The following UBR3 variants were observed in gnomAD, a reference collection of about 807,000 sequenced individuals.
UBR3 encodes ubiquitin protein ligase E3 component n-recognin 3.
In UBR3, 85 loss-of-function variants were observed where a neutral mutation model predicts 243.2. That is an observed-to-expected ratio of 0.35 (90% CI 0.29 to 0.42). The LOEUF is 0.42. Among genes scored for constraint, UBR3 ranks in the 10% least tolerant of loss-of-function variants. The pLI, the probability that UBR3 is intolerant of heterozygous loss-of-function variation, is 1.00. For synonymous variants in UBR3, 748 were observed against 799.8 expected (o/e 0.94, Z 1.09); for missense variants, 1,686 against 2,300.8 (o/e 0.73, Z 5.47).
At chr2:169,864,943 G>C (rs1286968629) in intron 1 of UBR3, among the ~76,000 whole-genome samples, 2 of 150,860 alleles carry the variant, frequency 1.3e-5, no homozygotes, top group Non-Finnish European at 3.0e-5. Context: ...AGAATTAGCT[G>C]GGTGTCATGG....
chr2:169,896,342 CA>C (rs1257663876), intron 7 of UBR3, among the ~76,000 whole-genome samples, 164 bp from the exon 8 acceptor site: 1 of 151,224 alleles, frequency 6.6e-6, no homozygotes, highest in East Asian at 1.9e-4. Context: ...GCAAATGTTC[CA>C]AAAAAGTGAA....
intron 35 of UBR3, among the ~76,000 whole-genome samples, chr2:170,071,148 A>G (rs758594403): frequency 4.6e-5 from 7 of 152,188 alleles, no homozygotes; most frequent in Non-Finnish European, 1.0e-4. Context: ...GGTATAGTCA[A>G]TTTGGAAAAA....
intron 32 of UBR3, among the ~76,000 whole-genome samples, chr2:170,053,299 G>T (rs927614541): frequency 6.6e-6 from 1 of 152,216 alleles, no homozygotes; most frequent in South Asian, 2.1e-4. Flanking sequence ...ATTTTGGTAT[G>T]TACTAGGAAG....
chr2:169,827,494 T>C lies in UBR3; in HGVS notation c.-14T>C, dbSNP rs1480849738. On this transcript the variant is annotated 5_prime_UTR_variant, in exon 1 of 39. Transcript: ENST00000272793. ...GCCGCTGGCCCTGGACTCTCCAAATTCTGAGCTCTCATCATGGCGGCGGCG... is the reference window on the plus strand; with the variant it reads ...GCCGCTGGCCCTGGACTCTCCAAATCCTGAGCTCTCATCATGGCGGCGGCG... 1.2e-5 allele frequency: 15 copies of C among 1,227,230 alleles called. No individual in the cohort carries two copies. The highest frequency in any genetic ancestry group is 1.5e-5 in the Non-Finnish European group (15 of 985,750). The allele number at this position is 1,227,230 out of a possible 1,614,324, so 76.0% of individuals were successfully genotyped here.
chr2:170,070,246 G>A (rs1005572257), intron 35 of UBR3, among the ~76,000 whole-genome samples: 1 of 152,100 alleles, frequency 6.6e-6, no homozygotes, highest in African/African-American at 2.4e-5. Context: ...AAATGGGGGG[G>A]AAACCATATG....
chr2:169,906,195 T>A, intron 10 of UBR3, 31 bp downstream of exon 10: 1 of 1,519,218 alleles, frequency 6.6e-7, no homozygotes, highest in Non-Finnish European at 8.8e-7. Context: ...TTAATTTCTG[T>A]GTTTAAGAAA....
chr2:169,861,410 C>T (rs1395320037), intron 1 of UBR3, among the ~76,000 whole-genome samples: 1 of 152,098 alleles, frequency 6.6e-6, no homozygotes, highest in Non-Finnish European at 1.5e-5. Context: ...GAGTTTGAGA[C>T]CAGCCTGGCC....
At chr2:170,080,468 A>G (rs999980933) in intron 37 of UBR3, 77 bp from the exon 38 acceptor site, 54 of 1,329,776 alleles carry the variant, frequency 4.1e-5, no homozygotes, top group Non-Finnish European at 5.2e-5. Context: ...ATTATTTAGA[A>G]GGCATTAATA....
At chr2:170,057,713 A>T (rs1337743542) in intron 33 of UBR3, among the ~76,000 whole-genome samples, 1 of 152,168 alleles carries the variant, frequency 6.6e-6, no homozygotes, top group Non-Finnish European at 1.5e-5. Context: ...TATTTTTAAA[A>T]AACACTTAAT....
At chr2:170,011,181 A>G (rs2090071895) in intron 29 of UBR3, among the ~76,000 whole-genome samples, 1 of 152,080 alleles carries the variant, frequency 6.6e-6, no homozygotes, top group South Asian at 2.1e-4. Context: ...TAAAGAAATA[A>G]AAAATAAGAT....
chr2:170,055,483 G>T lies in UBR3; in HGVS notation c.4684G>T (p.Val1562Leu). 4 of 1,613,396 alleles carry T rather than the reference G, an allele frequency of 2.5e-6. No homozygotes were observed. Among genetic ancestry groups the T allele is most frequent in the Non-Finnish European group, 3.4e-6 (4 of 1,179,584 alleles). ...RKDHFTCIVK[V>L]LFTLLYTQAL... The stretch of plus-strand genomic sequence containing the variant: ...AGACCACTTTACCTGCATTGTGAAG[G>T]TACTTTTTACCCTACTGTACACACA... Residue 1562 changes from valine to leucine, a missense_variant, in exon 33 of 39, where the codon GTA becomes TTA. Val to Leu is a conservative substitution (Grantham distance 32). This residue lies in a region of UBR3 where 371 missense variants were observed against 422.5 expected (regional missense o/e 0.88). Transcript: ENST00000272793.
chr2:170,081,768 T>A lies in UBR3; in HGVS notation c.5592T>A (p.Val1864=). The A allele has an allele frequency of 6.2e-7, 1 of 1,609,728 alleles. No individual in the cohort carries two copies. The highest frequency in any genetic ancestry group is 8.5e-7 in the Non-Finnish European group (1 of 1,177,762). The change falls in exon 39 of 39, where the codon GTT becomes GTA. Residue 1864 remains valine (V), a synonymous_variant. Transcript: ENST00000272793. The part of the protein sequence containing the change: ...PLYICKERYK[V]LEQQWISHTF... ...ACATTTGTAAGGAAAGATACAAAGTTCTTGAGCAACAGTGGATTTCTCATA... is the reference window on the plus strand; with the variant it reads ...ACATTTGTAAGGAAAGATACAAAGTACTTGAGCAACAGTGGATTTCTCATA...
At chr2:169,896,389 C>G in intron 7 of UBR3, 118 bp from the exon 8 acceptor site, 1 of 590,158 alleles carries the variant, frequency 1.7e-6, no homozygotes, top group Non-Finnish European at 2.7e-6. Flanking sequence ...TTTAAGTTAT[C>G]TTGGGCATTA....
chr2:169,838,175 A>G (rs1470049735), intron 1 of UBR3, among the ~76,000 whole-genome samples: 6 of 152,198 alleles, frequency 3.9e-5, no homozygotes, highest in South Asian at 2.1e-4. Flanking sequence ...TACATGTTCA[A>G]GTATGTTCAT....
chr2:170,068,491 C>T (rs763443465), intron 35 of UBR3, among the ~76,000 whole-genome samples: 3 of 151,730 alleles, frequency 2.0e-5, no homozygotes, highest in Admixed American at 6.6e-5. Flanking sequence ...AATGAACGAA[C>T]GCATAAAAAT....
At chr2:170,058,610 G>A (rs2091392275) in intron 33 of UBR3, among the ~76,000 whole-genome samples, 1 of 151,470 alleles carries the variant, frequency 6.6e-6, no homozygotes, top group African/African-American at 2.4e-5. Context: ...CAAACTCCTG[G>A]GCTCAATTGA....
At chr2:169,951,987 G>T (rs1314915176) in intron 23 of UBR3, among the ~76,000 whole-genome samples, 1 of 152,118 alleles carries the variant, frequency 6.6e-6, no homozygotes, top group Non-Finnish European at 1.5e-5. Context: ...TTCAGTTCTG[G>T]ACGCTACTAA....
intron 24 of UBR3, among the ~76,000 whole-genome samples, chr2:169,985,016 T>G (rs1359147367): frequency 2.7e-5 from 4 of 147,782 alleles, no homozygotes; most frequent in Non-Finnish European, 4.5e-5. Context: ...CAAGACTTAT[T>G]AAAAAAAAAA....
At chr2:169,879,803 T>G (rs1351501710) in intron 5 of UBR3, among the ~76,000 whole-genome samples, 2 of 152,216 alleles carry the variant, frequency 1.3e-5, no homozygotes, top group South Asian at 2.1e-4. Flanking sequence ...CTTATAAATT[T>G]TGCTTCTGTT....
Sources: allele counts gnomAD v4.1 joint callset (sites outside exome capture counted in the v4.1 genomes callset), GRCh38; gene constraint gnomAD v4.1.1; regional missense constraint gnomAD v4.1.1; transcripts MANE v1.5; gene names NCBI Gene and HGNC (gene_info 2026-07-23, HGNC 2026-07-21).